Variants in HS3ST5 observed in about 807,000 individuals in gnomAD.
The protein encoded by HS3ST5 is heparan sulfate glucosamine 3-O-sulfotransferase 5.
HS3ST5 carries 10 observed loss-of-function variants against 25.4 expected under a neutral mutation model. The ratio of observed to expected loss-of-function variants is 0.39; its 90% CI spans 0.24 to 0.67. The LOEUF is 0.67. Among genes scored for constraint, HS3ST5 ranks in the 30% least tolerant of loss-of-function variants. The pLI is 0.44. For synonymous variants in HS3ST5, 170 were observed against 162.4 expected (o/e 1.05, Z -0.36); for missense variants, 324 against 420.7 (o/e 0.77, Z 2.01).
chr6:114,098,390 T>C (rs941640281), intron 3 of HS3ST5, among the ~76,000 whole-genome samples: 38 of 151,052 alleles, frequency 2.5e-4, no homozygotes, highest in African/African-American at 8.7e-4. Flanking sequence ...AAACAAAACA[T>C]ATAACAAATA....
At chr6:114,204,292 G>A (rs938014295) in intron 2 of HS3ST5, among the ~76,000 whole-genome samples, 1 of 152,174 alleles carries the variant, frequency 6.6e-6, no homozygotes, top group African/African-American at 2.4e-5. Flanking sequence ...GGCTTCTTCA[G>A]TTCAGCATGT....
chr6:114,136,851 C>T (rs905821060), intron 3 of HS3ST5, among the ~76,000 whole-genome samples: 1 of 152,156 alleles, frequency 6.6e-6, no homozygotes, highest in Non-Finnish European at 1.5e-5. Flanking sequence ...TTTCACTGGG[C>T]TCTACATTTT....
intron 3 of HS3ST5, among the ~76,000 whole-genome samples, chr6:114,141,858 TTGTGTGTGTGTGTGTGTGTGTGTGTG>T (rs59862071): frequency 2.1e-5 from 3 of 141,266 alleles, no homozygotes; most frequent in African/African-American, 5.2e-5. Context: ...AGATGATAGT[TTGTGTGTGTGTGTGTGTGTGTGTGTG>T]TGTGTGTGTG....
chr6:114,118,845 G>A (rs929919856), intron 3 of HS3ST5, among the ~76,000 whole-genome samples: 4 of 152,142 alleles, frequency 2.6e-5, no homozygotes, highest in African/African-American at 9.7e-5. Flanking sequence ...TTAACAGTTG[G>A]TGTGAAATGT....
intron 1 of HS3ST5, among the ~76,000 whole-genome samples, chr6:114,293,523 G>A (rs115571240): frequency 0.012 from 1,869 of 152,268 alleles, 50 homozygotes; most frequent in African/African-American, 0.043. Context: ...GACCAGTCCT[G>A]AGACTGTTGT....
At chr6:114,138,406 AT>A in intron 3 of HS3ST5, among the ~76,000 whole-genome samples, 1 of 152,310 alleles carries the variant, frequency 6.6e-6, no homozygotes, top group East Asian at 1.9e-4. Flanking sequence ...TTTTCCTGTT[AT>A]TACTGTTAGA....
At chr6:114,068,107 T>C (rs1773573288) in intron 3 of HS3ST5, among the ~76,000 whole-genome samples, 1 of 152,182 alleles carries the variant, frequency 6.6e-6, no homozygotes, top group African/African-American at 2.4e-5. Flanking sequence ...ATAAACAGTA[T>C]ACGGAATTAT....
chr6:114,240,305 C>A lies in HS3ST5; in HGVS notation c.-338-11527G>T, dbSNP rs1047352382. On this transcript the variant is annotated intron_variant, in intron 1 of 4. Coordinates refer to ENST00000312719, the MANE Select transcript of HS3ST5 (RefSeq NM_153612.4). ...CAGCTGCTTTTCATTCATAAAGCAC[C>A]AATTCATAAAGCACTGGTTTGGCAT... is the stretch of plus-strand genomic sequence containing the variant. 2.6e-5 allele frequency among the ~76,000 whole-genome samples: 4 copies of A among 152,098 alleles called. No individual in the cohort carries two copies. In the East Asian group the frequency reaches 7.7e-4, roughly 29 times the overall value.
At chr6:114,177,031 G>A (rs1779754408) in intron 2 of HS3ST5, among the ~76,000 whole-genome samples, 1 of 152,024 alleles carries the variant, frequency 6.6e-6, no homozygotes. Flanking sequence ...CTTTCACCAG[G>A]GCTTGAAAAT....
At chr6:114,250,663 C>A (rs1318976135) in intron 1 of HS3ST5, among the ~76,000 whole-genome samples, 1 of 152,072 alleles carries the variant, frequency 6.6e-6, no homozygotes, top group Non-Finnish European at 1.5e-5. Flanking sequence ...AAACTTTGAC[C>A]TGAAGGAAGA....
intron 1 of HS3ST5, among the ~76,000 whole-genome samples, chr6:114,324,507 C>A (rs992899580): frequency 2.0e-5 from 3 of 152,138 alleles, no homozygotes; most frequent in Admixed American, 1.3e-4. Flanking sequence ...AAATGAATGA[C>A]CTTCTCCCCG....
At chr6:114,275,983 C>T (rs111970494) in intron 1 of HS3ST5, among the ~76,000 whole-genome samples, 52 of 151,982 alleles carry the variant, frequency 3.4e-4, no homozygotes, top group African/African-American at 1.2e-3. Context: ...GGCCCCTTTC[C>T]CATTTCCATG....
At chr6:114,244,507 A>C (rs1772291747) in intron 1 of HS3ST5, among the ~76,000 whole-genome samples, 1 of 152,216 alleles carries the variant, frequency 6.6e-6, no homozygotes. Flanking sequence ...GGATGTTAAA[A>C]TATCTAGCTC....
At chr6:114,185,213 T>G (rs1780158498) in intron 2 of HS3ST5, among the ~76,000 whole-genome samples, 1 of 152,120 alleles carries the variant, frequency 6.6e-6, no homozygotes. Flanking sequence ...AATGTGCCCC[T>G]CCCCCAAACT....
intron 2 of HS3ST5, among the ~76,000 whole-genome samples, chr6:114,204,178 G>A (rs908019325): frequency 2.0e-5 from 3 of 152,150 alleles, no homozygotes; most frequent in African/African-American, 7.2e-5. Context: ...TGGTCTTACA[G>A]GGAAGGGAAA....
At chr6:114,159,136 T>C (rs186007113) in intron 3 of HS3ST5, among the ~76,000 whole-genome samples, 1 of 152,178 alleles carries the variant, frequency 6.6e-6, no homozygotes, top group African/African-American at 2.4e-5. Flanking sequence ...CCAAAGAACA[T>C]AACTAGTAAC....
Position 114,332,904 on chromosome 6 carries a change from C to T in HS3ST5, c.-339+9291G>A, listed in dbSNP as rs560660036. Reference sequence around the variant, plus strand: ...ATGGTCCATTCCTTCCCTGGAGTCACCCAATTGTAAGGACCTTGCAGAGGA... The same window carrying T: ...ATGGTCCATTCCTTCCCTGGAGTCATCCAATTGTAAGGACCTTGCAGAGGA... On this transcript the variant is annotated intron_variant, in intron 1 of 4. Transcript: ENST00000312719. 1.7e-4 allele frequency among the ~76,000 whole-genome samples: 26 copies of T among 152,154 alleles called. No individual in the cohort carries two copies. The South Asian group carries it at 5.2e-3, about 30-fold the overall frequency.
At chr6:114,104,763 A>G (rs915638778) in intron 3 of HS3ST5, among the ~76,000 whole-genome samples, 13 of 152,200 alleles carry the variant, frequency 8.5e-5, no homozygotes, top group Non-Finnish European at 1.6e-4. Flanking sequence ...CAAGTTACCC[A>G]TGGATTAAGG....
intron 3 of HS3ST5, chr6:114,084,065 C>T: frequency 1.7e-6 from 1 of 578,252 alleles, no homozygotes; most frequent in Non-Finnish European, 3.0e-6. Flanking sequence ...GTCTCAGGTT[C>T]CCTGATCATA....
Sources: gnomAD v4.1 joint callset for allele counts (sites outside exome capture counted in the v4.1 genomes callset) on GRCh38, gnomAD v4.1.1 for gene constraint, MANE v1.5 for transcripts, NCBI Gene and HGNC (gene_info 2026-07-23, HGNC 2026-07-21) for gene names.